MYT1L: variants seen among roughly 807,000 people sequenced by gnomAD.
MYT1L encodes the protein myelin transcription factor 1 like, also known as myelin transcription factor 1-like protein.
A neutral mutation model predicts 126.7 loss-of-function variants in MYT1L; 12 were observed. The ratio of observed to expected loss-of-function variants is 0.09; its 90% CI spans 0.06 to 0.15. The LOEUF (loss-of-function observed/expected upper bound fraction) is 0.15. Among genes scored for constraint, MYT1L ranks in the 10% least tolerant of loss-of-function variants. The pLI is 1.00. For synonymous variants in MYT1L, 541 were observed against 604.2 expected, an observed-to-expected ratio of 0.90 and a Z score of 1.53; for missense variants, 979 against 1,585.2, an observed-to-expected ratio of 0.62 and a Z score of 6.49.
intron 2 of MYT1L, among the ~76,000 whole-genome samples, chr2:2,191,287 C>A (rs539481647): frequency 4.9e-4 from 75 of 152,302 alleles, no homozygotes; most frequent in Non-Finnish European, 1.0e-3. Flanking sequence ...TGGCAAAGAG[C>A]CAGGTCGCAG....
At position 2,005,420 on chromosome 2, in the gene MYT1L, G is replaced by A. The variant is rs545045112; in HGVS notation, c.-157-8073C>T. Among the ~76,000 whole-genome samples the A allele has an allele frequency of 1.3e-3, 184 of 138,306 alleles. 1 individual carries two copies. Among genetic ancestry groups the A allele is most frequent in the South Asian group, 2.9e-3 (12 of 4,188 alleles). 90.7% of individuals were successfully genotyped at this position (138,306 alleles called of 152,430 possible). A position where few individuals can be genotyped will look rare whatever the true frequency, so the allele number is the denominator to read the frequency against. On this transcript the variant is annotated intron_variant, in intron 4 of 24. Coordinates refer to ENST00000647738, the MANE Select transcript of MYT1L (RefSeq NM_001303052.2). The stretch of plus-strand genomic sequence containing the variant: ...TCCTGCGTGCGTTCTTTCCTCATGC[G>A]TTCTTTCCTGTGTGCCTTCTTTCCT...
intron 18 of MYT1L, among the ~76,000 whole-genome samples, chr2:1,866,279 G>GA (rs1255736188): frequency 6.6e-6 from 1 of 152,116 alleles, no homozygotes; most frequent in Non-Finnish European, 1.5e-5. Flanking sequence ...GGGGTGTTGT[G>GA]AGTGGACAAA....
intron 1 of MYT1L, among the ~76,000 whole-genome samples, chr2:2,285,411 T>C (rs1559552393): frequency 1.3e-5 from 2 of 152,256 alleles, no homozygotes; most frequent in Non-Finnish European, 2.9e-5. Flanking sequence ...CTAGGTTCAC[T>C]TGGAAAACTA....
intron 9 of MYT1L, among the ~76,000 whole-genome samples, chr2:1,925,849 A>T (rs958435488): frequency 3.9e-5 from 6 of 152,096 alleles, no homozygotes; most frequent in African/African-American, 1.4e-4. Flanking sequence ...AGTCTCCAAG[A>T]CTTAATTAGC....
chr2:2,245,989 C>G (rs926450786), intron 2 of MYT1L, among the ~76,000 whole-genome samples: 1 of 152,174 alleles, frequency 6.6e-6, no homozygotes, highest in African/African-American at 2.4e-5. Flanking sequence ...TTGATTTTAG[C>G]ACAGTGAGAC....
intron 23 of MYT1L, among the ~76,000 whole-genome samples, chr2:1,799,964 T>C (rs7573917): frequency 0.074 from 11,241 of 152,202 alleles, 483 homozygotes; most frequent in African/African-American, 0.11. Context: ...GCTTCCTCTT[T>C]ACCTTCTGCC....
At chr2:1,949,366 G>A (rs897219004) in intron 8 of MYT1L, among the ~76,000 whole-genome samples, 18 of 152,228 alleles carry the variant, frequency 1.2e-4, no homozygotes, top group Admixed American at 5.9e-4. Context: ...CTGGCATCCC[G>A]TCACCCCCAC....
intron 8 of MYT1L, among the ~76,000 whole-genome samples, chr2:1,955,925 CAT>C (rs1244011399): frequency 6.6e-6 from 1 of 152,162 alleles, no homozygotes; most frequent in African/African-American, 2.4e-5. Context: ...AAAGTCACCA[CAT>C]GTGGAAATAT....
At chr2:2,292,378 T>C (rs951016694) in intron 1 of MYT1L, among the ~76,000 whole-genome samples, 2 of 152,230 alleles carry the variant, frequency 1.3e-5, no homozygotes, top group Non-Finnish European at 2.9e-5. Context: ...AAAGTCCTTG[T>C]GAAATGCACA....
chr2:1,849,798 G>A (rs2042979209), intron 19 of MYT1L, among the ~76,000 whole-genome samples: 1 of 152,254 alleles, frequency 6.6e-6, no homozygotes, highest in African/African-American at 2.4e-5. Flanking sequence ...ATAGACACGT[G>A]CTGTTTAAAC....
chr2:1,906,576 TA>T (rs2051089403), intron 13 of MYT1L, among the ~76,000 whole-genome samples: 1 of 152,146 alleles, frequency 6.6e-6, no homozygotes, highest in African/African-American at 2.4e-5. Flanking sequence ...TATATCCAAT[TA>T]TATATATGTA....
chr2:2,147,806 G>A (rs2085110018), intron 3 of MYT1L, among the ~76,000 whole-genome samples: 1 of 152,218 alleles, frequency 6.6e-6, no homozygotes, highest in African/African-American at 2.4e-5. Context: ...CCGTCCACCT[G>A]GGAGCCCCGC....
chr2:1,892,002 C>T (rs751623635), intron 15 of MYT1L, 35 bp downstream of exon 15: 4 of 1,474,176 alleles, frequency 2.7e-6, no homozygotes, highest in Non-Finnish European at 3.6e-6. Flanking sequence ...CCTCCCCCAC[C>T]CGCCAGGTGG....
intron 18 of MYT1L, among the ~76,000 whole-genome samples, chr2:1,861,352 T>A (rs2044567721): frequency 6.6e-6 from 1 of 152,160 alleles, no homozygotes; most frequent in Non-Finnish European, 1.5e-5. Context: ...GAAAGGCAGG[T>A]CTTCCAGGAC....
intron 3 of MYT1L, among the ~76,000 whole-genome samples, chr2:2,081,086 TGATA>T (rs1178486685): frequency 6.6e-6 from 1 of 152,170 alleles, no homozygotes; most frequent in Non-Finnish European, 1.5e-5. Flanking sequence ...TAGAATATGG[TGATA>T]GCCGCATAGC....
At chr2:2,201,715 G>A (rs574178339) in intron 2 of MYT1L, among the ~76,000 whole-genome samples, 11 of 150,574 alleles carry the variant, frequency 7.3e-5, no homozygotes, top group East Asian at 3.9e-4. Context: ...AAAAAAAATC[G>A]TAAGTGTTTT....
intron 8 of MYT1L, among the ~76,000 whole-genome samples, chr2:1,964,534 C>A (rs1449083162): frequency 6.6e-6 from 1 of 152,124 alleles, no homozygotes; most frequent in Non-Finnish European, 1.5e-5. Flanking sequence ...GCGAAAGTTG[C>A]TCTAAGAAAA....
chr2:2,039,659 A>G (rs1326834116), intron 4 of MYT1L, among the ~76,000 whole-genome samples: 1 of 152,230 alleles, frequency 6.6e-6, no homozygotes, highest in African/African-American at 2.4e-5. Context: ...AAAGATAGAC[A>G]ACTTTAACAG....
At chr2:1,866,156 A>G (rs1466265808) in intron 18 of MYT1L, among the ~76,000 whole-genome samples, 2 of 152,216 alleles carry the variant, frequency 1.3e-5, no homozygotes, top group Non-Finnish European at 2.9e-5. Context: ...AGTACAGGCC[A>G]GATGGAAGCA....
Sources: allele counts gnomAD v4.1 joint callset (sites outside exome capture counted in the v4.1 genomes callset), GRCh38; gene constraint gnomAD v4.1.1; transcripts MANE v1.5; gene names NCBI Gene and HGNC (gene_info 2026-07-23, HGNC 2026-07-21).